Variants in OPHN1 observed in about 807,000 individuals in gnomAD.
OPHN1 encodes the protein oligophrenin 1.
In OPHN1, 11 loss-of-function variants were observed where a neutral mutation model predicts 60.7. The ratio of observed to expected loss-of-function variants is 0.18; its 90% CI spans 0.11 to 0.30. The LOEUF is 0.30. OPHN1 is among the 10% of genes least tolerant of loss of function. The pLI, the probability that OPHN1 is intolerant of heterozygous loss-of-function variation, is 1.00. For missense variants in OPHN1, 449 were observed against 611.0 expected, an observed-to-expected ratio of 0.73 and a Z score of 2.80; for synonymous variants, 226 against 222.6, an observed-to-expected ratio of 1.02 and a Z score of -0.14.
At chrX:68,432,396 T>G (rs2078890002) in intron 2 of OPHN1, among the ~76,000 whole-genome samples, 1 of 111,908 alleles carries the variant, frequency 8.9e-6, no homozygotes. Context: ...GGCGAATTTT[T>G]TACTGCCCCC....
At chrX:68,237,906 A>ATCAAACCTCCAGTGCAATGTT (rs1162026884) in intron 5 of OPHN1, among the ~76,000 whole-genome samples, 3 of 112,252 alleles carry the variant, frequency 2.7e-5, no homozygotes, top group Non-Finnish European at 5.6e-5. Context: ...ATCAAAGTGA[A>ATCAAACCTCCAGTGCAATGTT]GAACGTAGAC....
At chrX:68,405,878 G>A (rs781778072) in intron 2 of OPHN1, among the ~76,000 whole-genome samples, 7 of 111,361 alleles carry the variant, frequency 6.3e-5, no homozygotes, top group East Asian at 2.8e-4. Context: ...GCGTAGTGGC[G>A]CACACCTATA....
intron 2 of OPHN1, among the ~76,000 whole-genome samples, chrX:68,305,247 C>T (rs1285350907): frequency 9.1e-6 from 1 of 110,419 alleles, no homozygotes. Context: ...AGCCGGGTGA[C>T]GTAGTGTATG....
chrX:68,063,858 C>T lies in OPHN1; in HGVS notation c.2154G>A (p.Lys718=). Residue 718 remains lysine (K), a synonymous_variant, in exon 21 of 25, where the codon AAG becomes AAA. Coordinates refer to ENST00000355520, the MANE Select transcript of OPHN1 (RefSeq NM_002547.3). ...ATGGGATTCCCAAGCACTTACCCTC[C>T]TTGTGGTGGGCCAGGGGCCGGGGAG... ...RPAPRPLAHH[K]EGDADSFSKV... The T allele has an allele frequency of 8.6e-7, 1 of 1,164,078 alleles. No homozygotes were observed. The highest frequency in any genetic ancestry group is 1.1e-6 in the Non-Finnish European group (1 of 870,015).
intron 20 of OPHN1, chrX:68,071,814 C>T: frequency 2.5e-6 from 1 of 393,663 alleles, no homozygotes; most frequent in Non-Finnish European, 4.5e-6. Flanking sequence ...AGGGAGCCGG[C>T]TGCTGATGTG....
intron 2 of OPHN1, among the ~76,000 whole-genome samples, chrX:68,317,397 A>AAGGC (rs1341933897): frequency 3.2e-5 from 3 of 92,906 alleles, no homozygotes; most frequent in African/African-American, 1.2e-4. Context: ...GGAAGGAAGG[A>AAGGC]AGGAAGGAAG....
At chrX:68,278,178 C>G (rs1167545983) in intron 4 of OPHN1, among the ~76,000 whole-genome samples, 1 of 112,552 alleles carries the variant, frequency 8.9e-6, no homozygotes, top group Non-Finnish European at 1.9e-5. Flanking sequence ...ATCTTTTCCT[C>G]TCTATGACAC....
chrX:68,271,704 A>G (rs1248081012), intron 5 of OPHN1, among the ~76,000 whole-genome samples: 1 of 111,535 alleles, frequency 9.0e-6, no homozygotes, highest in African/African-American at 3.3e-5. Context: ...AGGTGGGAAA[A>G]CTGAGTTGCA....
At chrX:68,378,746 T>C (rs1206065687) in intron 2 of OPHN1, among the ~76,000 whole-genome samples, 1 of 111,378 alleles carries the variant, frequency 9.0e-6, no homozygotes, top group Non-Finnish European at 1.9e-5. Flanking sequence ...TAGTTGTAGA[T>C]ATGTGGCGTT....
chrX:68,311,363 A>G (rs1025705484), intron 2 of OPHN1, among the ~76,000 whole-genome samples: 7 of 112,515 alleles, frequency 6.2e-5, no homozygotes, highest in African/African-American at 2.3e-4. Flanking sequence ...CACGTAGAAT[A>G]CACAGCAATT....
chrX:68,175,031 C>A (rs1193844279), intron 15 of OPHN1, among the ~76,000 whole-genome samples: 2 of 109,030 alleles, frequency 1.8e-5, no homozygotes, highest in Non-Finnish European at 3.8e-5. Flanking sequence ...TTGCAGTGAG[C>A]CGAGGTCGCA....
rs757169795 is a variant in OPHN1, at chrX:68,419,939, AT to A, written c.154+12927del. 1.6e-4 allele frequency among the ~76,000 whole-genome samples: 18 copies of A among 110,539 alleles called. No individual in the cohort carries two copies. The East Asian group carries it at 4.6e-3, about 28-fold the overall frequency. On this transcript the variant is annotated intron_variant, in intron 2 of 24. Transcript: ENST00000355520. ...TTATCACCAATATGCATCTTCCCCA[AT>A]TTTTTTTAACCACCTCACTGGCTTC... is the stretch of plus-strand genomic sequence containing the variant.
intron 5 of OPHN1, among the ~76,000 whole-genome samples, chrX:68,273,034 T>A (rs757082050): frequency 9.0e-6 from 1 of 111,641 alleles, no homozygotes; most frequent in Non-Finnish European, 1.9e-5. Context: ...TGAACACCAG[T>A]CATTTCTAAC....
intron 6 of OPHN1, among the ~76,000 whole-genome samples, chrX:68,218,439 ATAC>A (rs2077629825): frequency 9.5e-6 from 1 of 104,808 alleles, no homozygotes; most frequent in African/African-American, 3.5e-5. Context: ...CGCCACAAAG[ATAC>A]TCCTTGAAAA....
At chrX:68,422,720 A>G (rs753619151) in intron 2 of OPHN1, among the ~76,000 whole-genome samples, 3,573 of 87,799 alleles carry the variant, frequency 0.041, 231 homozygotes, top group African/African-American at 0.15. Context: ...AGAAAGAAAG[A>G]AAGGAAGGAA....
At chrX:68,426,478 A>G (rs1341324442) in intron 2 of OPHN1, among the ~76,000 whole-genome samples, 2 of 94,524 alleles carry the variant, frequency 2.1e-5, no homozygotes, top group Non-Finnish European at 4.3e-5. Flanking sequence ...CATTAGTCCA[A>G]GAGAGCCTAT....
intron 15 of OPHN1, among the ~76,000 whole-genome samples, chrX:68,166,984 G>C (rs2077361318): frequency 8.9e-6 from 1 of 112,155 alleles, no homozygotes; most frequent in African/African-American, 3.2e-5. Context: ...AATATTTCTT[G>C]AGTAACATTC....
At chrX:68,343,894 C>T (rs1166427241) in intron 2 of OPHN1, among the ~76,000 whole-genome samples, 2 of 111,811 alleles carry the variant, frequency 1.8e-5, no homozygotes, top group Non-Finnish European at 3.8e-5. Context: ...CAACCCAATG[C>T]AACTACTGAT....
intron 2 of OPHN1, among the ~76,000 whole-genome samples, chrX:68,417,947 G>A (rs756676472): frequency 4.4e-4 from 50 of 112,750 alleles, no homozygotes; most frequent in Non-Finnish European, 5.6e-4. Flanking sequence ...ACAAAACAAC[G>A]GCAATAGCTT....
Sources: allele counts gnomAD v4.1 joint callset (sites outside exome capture counted in the v4.1 genomes callset), GRCh38; gene constraint gnomAD v4.1.1; transcripts MANE v1.5; gene names NCBI Gene and HGNC (gene_info 2026-07-23, HGNC 2026-07-21).